NEO1: variants seen among roughly 807,000 people sequenced by gnomAD.
The protein encoded by NEO1 is neogenin 1, also known as neogenin.
Under a neutral mutation model 159.7 loss-of-function variants are expected in NEO1, and 63 were observed. The observed-to-expected ratio is 0.39, with a 90% CI of 0.32 to 0.49. NEO1 has a LOEUF of 0.49. NEO1 is among the 20% of genes least tolerant of loss of function. NEO1 has a pLI of 0.85. For synonymous variants in NEO1, 633 were observed against 662.0 expected, an observed-to-expected ratio of 0.96 and a Z score of 0.67; for missense variants, 1,615 against 1,831.0, an observed-to-expected ratio of 0.88 and a Z score of 2.15.
chr15:73,071,719 T>C (rs1419621011), intron 1 of NEO1, among the ~76,000 whole-genome samples: 1 of 152,164 alleles, frequency 6.6e-6, no homozygotes, highest in East Asian at 1.9e-4. Context: ...TTTTGCCATG[T>C]TGCCCAGGCT....
chr15:73,266,439 C>A lies in NEO1; in HGVS notation c.2494+28C>A, dbSNP rs761669360. 3 of 1,549,448 alleles carry A rather than the reference C, an allele frequency of 1.9e-6. No individual in the cohort carries two copies. In the South Asian group the frequency reaches 3.5e-5, roughly 18 times the overall value. On this transcript the variant is annotated intron_variant, in intron 16 of 28. Coordinates refer to ENST00000261908, the MANE Select transcript of NEO1 (RefSeq NM_002499.4). ...AAGGTATCCTATCTTTCCTAGTCTC[C>A]AGCACTTTTCCTAGCAGCTTAGGCA...
intron 1 of NEO1, among the ~76,000 whole-genome samples, chr15:73,107,034 A>T (rs74725745): frequency 1.3e-5 from 2 of 152,204 alleles, no homozygotes; most frequent in East Asian, 3.8e-4. Context: ...TTCTAAACCA[A>T]TAAGATGAAA....
chr15:73,298,840 AG>A (rs2151179245), intron 27 of NEO1, among the ~76,000 whole-genome samples: 1 of 152,326 alleles, frequency 6.6e-6, no homozygotes, highest in African/African-American at 2.4e-5. Context: ...CTGGGAACCA[AG>A]GGCTGACCTT....
At chr15:73,051,761 A>G (rs1189985142), upstream of NEO1, 2 of 151,888 alleles carry the variant, frequency 1.3e-5, no homozygotes, top group Non-Finnish European at 2.9e-5. Context: ...GCCAGGGCCC[A>G]GCAAGAGTCG....
chr15:73,256,018 T>C (rs958407280), intron 13 of NEO1: 1 of 152,200 alleles, frequency 6.6e-6, no homozygotes, highest in Admixed American at 6.5e-5. Flanking sequence ...ACTATAAGAA[T>C]GTGAGATATT....
At position 73,070,410 on chromosome 15, in the gene NEO1, A is replaced by G. The variant is rs147063242; in HGVS notation, c.130+17605A>G. ...GAAACAAATGAAGTGTAATTTTACT[A>G]GCTGTAGATATAACTCATGTGAGTG... On this transcript the variant is annotated intron_variant, in intron 1 of 28. Transcript: ENST00000261908. Among the ~76,000 whole-genome samples, 1,306 of 152,346 alleles carry G rather than the reference A, an allele frequency of 8.6e-3. 22 individuals carry two copies. Among genetic ancestry groups the G allele is most frequent in the African/African-American group, 0.03 (1,231 of 41,570 alleles).
intron 1 of NEO1, among the ~76,000 whole-genome samples, chr15:73,078,069 G>GT (rs2068863594): frequency 6.6e-6 from 1 of 152,170 alleles, no homozygotes; most frequent in African/African-American, 2.4e-5. Context: ...GAGGTTTAGG[G>GT]TGGTGATGTG....
At chr15:73,252,205 A>G (rs1298853053) in intron 11 of NEO1, among the ~76,000 whole-genome samples, 12 of 152,224 alleles carry the variant, frequency 7.9e-5, no homozygotes, top group Admixed American at 7.9e-4. Flanking sequence ...ATACCTGGTC[A>G]CCAAATGTTA....
chr15:73,299,825 T>G (rs1194492426), intron 27 of NEO1: 1 of 152,238 alleles, frequency 6.6e-6, no homozygotes, highest in Non-Finnish European at 1.5e-5. Flanking sequence ...ATATGGTGTT[T>G]TGGTTGAAAT....
intron 5 of NEO1, among the ~76,000 whole-genome samples, chr15:73,173,471 G>A (rs2035095642): frequency 6.6e-6 from 1 of 151,988 alleles, no homozygotes; most frequent in African/African-American, 2.4e-5. Context: ...ATTCTTTTTG[G>A]GATGACTGAT....
intron 19 of NEO1, among the ~76,000 whole-genome samples, chr15:73,273,550 C>T (rs2041271333): frequency 6.6e-6 from 1 of 152,036 alleles, no homozygotes; most frequent in Non-Finnish European, 1.5e-5. Context: ...ATTAAGTGCC[C>T]CCTGGTGGAA....
rs57566986 is a variant in NEO1 at position 73,244,954 on chromosome 15, C to CAAAAA, written c.1606+481_1606+485dup. On this transcript the variant is annotated intron_variant, in intron 9 of 28. Transcript: ENST00000261908. ...TGGGTGACAGAGTGAGACTCTGTCTCAAAAAAAAAAAAAAAAAAAAAAAAA... is the reference window on the plus strand; with the variant it reads ...TGGGTGACAGAGTGAGACTCTGTCTCAAAAAAAAAAAAAAAAAAAAAAAAAAAAAA... Among the ~76,000 whole-genome samples, 131 of 16,476 alleles carry CAAAAA rather than the reference C, an allele frequency of 8.0e-3. 16 individuals are homozygous for CAAAAA. The highest frequency in any genetic ancestry group is 0.016 in the African/African-American group (76 of 4,802). 10.8% of individuals were successfully genotyped at this position (16,476 alleles called of 152,430 possible).
chr15:73,116,968 T>A (rs1646633897), intron 2 of NEO1, 111 bp downstream of exon 2: 1 of 831,436 alleles, frequency 1.2e-6, no homozygotes, highest in African/African-American at 1.7e-5. Context: ...ACAAATATAC[T>A]CATTTAACAG....
intron 25 of NEO1, among the ~76,000 whole-genome samples, chr15:73,290,063 C>T (rs190494183): frequency 6.6e-6 from 1 of 151,852 alleles, no homozygotes; most frequent in Non-Finnish European, 1.5e-5. Flanking sequence ...TTGAACCCAG[C>T]GTTTAAGGTT....
At position 73,117,361 on chromosome 15, in the gene NEO1, C is replaced by T. The variant is rs1029238758; in HGVS notation, c.448+504C>T. Among the ~76,000 whole-genome samples the T allele has an allele frequency of 3.9e-5, 6 of 152,270 alleles. No homozygotes were observed. In the East Asian group the frequency reaches 1.2e-3, roughly 29 times the overall value. ...GTTATAAAGAGAGGAACTTTCCCTC[C>T]TTTTCAGAGTATCCTTATTTGAAGA... is the stretch of plus-strand genomic sequence containing the variant. On this transcript the variant is annotated intron_variant, in intron 2 of 28. Transcript: ENST00000261908.
At chr15:73,155,661 C>A (rs903631001) in intron 5 of NEO1, among the ~76,000 whole-genome samples, 2 of 152,106 alleles carry the variant, frequency 1.3e-5, no homozygotes, top group Admixed American at 1.3e-4. Context: ...CTTTTTTATT[C>A]TTTTTAAGTT....
chr15:73,086,945 C>T (rs8034826), intron 1 of NEO1, among the ~76,000 whole-genome samples: 23,224 of 151,974 alleles, frequency 0.15, 2,398 homozygotes, highest in African/African-American at 0.28. Context: ...CGTGAGCCAC[C>T]GCGCCTAGCC....
At chr15:73,154,347 C>T (rs2033615952) in intron 5 of NEO1, among the ~76,000 whole-genome samples, 1 of 152,154 alleles carries the variant, frequency 6.6e-6, no homozygotes. Context: ...CTTTGTGTTA[C>T]AAACAGTCCA....
chr15:73,280,279 C>T (rs1440968241), intron 22 of NEO1, among the ~76,000 whole-genome samples: 3 of 151,188 alleles, frequency 2.0e-5, no homozygotes, highest in African/African-American at 7.3e-5. Context: ...GAGTGAGGTT[C>T]CGTCTCAAAA....
Sources: gnomAD v4.1 joint callset for allele counts (sites outside exome capture counted in the v4.1 genomes callset) on GRCh38, gnomAD v4.1.1 for gene constraint, MANE v1.5 for transcripts, NCBI Gene and HGNC (gene_info 2026-07-23, HGNC 2026-07-21) for gene names.